The following ETS1 variants were observed in gnomAD, a reference collection of about 807,000 sequenced individuals.
ETS1 encodes the protein protein C-ets-1.
ETS1 carries 15 observed loss-of-function variants against 58.6 expected under a neutral mutation model. The ratio of observed to expected loss-of-function variants is 0.26; its 90% CI spans 0.17 to 0.39. ETS1 has a LOEUF of 0.39. ETS1 is among the 10% of genes least tolerant of loss of function. The probability of loss-of-function intolerance (pLI) is 1.00; values close to 1 mark genes in which losing one functional copy is unlikely to be tolerated. For missense variants in ETS1, 417 were observed against 610.5 expected, an observed-to-expected ratio of 0.68 and a Z score of 3.34; for synonymous variants, 214 against 218.2, an observed-to-expected ratio of 0.98 and a Z score of 0.17.
intron 4 of ETS1, among the ~76,000 whole-genome samples, chr11:128,489,772 G>GA (rs1202404347): frequency 5.3e-5 from 8 of 152,268 alleles, no homozygotes; most frequent in African/African-American, 1.9e-4. Context: ...AGATTTCCAT[G>GA]AATCTCCTCT....
rs1864194262 is a variant in ETS1 at position 128,549,445 on chromosome 11, G to C, written c.214+6846C>G. ...TTCCAGGAGAGGGGTCAAACTGCTT[G>C]AATCGCATAAGAACCCGGTGCCCCA... On this transcript the variant is annotated intron_variant, in intron 3 of 9. Transcript: ENST00000392668. This position sits in a 1 kb window ranked among gnomAD's most constrained non-coding sequence, Gnocchi z 4.3. Among the ~76,000 whole-genome samples the C allele has an allele frequency of 6.6e-6, 1 of 152,228 alleles. No homozygotes were observed. The highest frequency in any genetic ancestry group is 6.5e-5 in the Admixed American group (1 of 15,292).
Position 128,486,106 on chromosome 11 carries a change from G to T in ETS1, c.576C>A (p.Ala192=). ...CCGAGGTATAGCGGGATTCTGGATA[G>T]GCTGGGTTGACTCCATTAACTTGAT... ...KPYQVNGVNP[A]YPESRYTSDY... The change falls in exon 6 of 10, where the codon GCC becomes GCA. Residue 192 remains alanine, a synonymous_variant. Transcript: ENST00000392668. The T allele has an allele frequency of 6.2e-7, 1 of 1,612,038 alleles. No individual in the cohort carries two copies. Among genetic ancestry groups the T allele is most frequent in the Non-Finnish European group, 8.5e-7 (1 of 1,178,172 alleles).
intron 2 of ETS1, among the ~76,000 whole-genome samples, chr11:128,564,924 T>G (rs1864465545): frequency 6.6e-6 from 1 of 151,570 alleles, no homozygotes; most frequent in Non-Finnish European, 1.5e-5. Flanking sequence ...GGTTTTTTGT[T>G]TTTTTTTGTT....
rs1043741347 is a variant in ETS1 at position 128,490,563 on chromosome 11, T to G, written c.228A>C (p.Ala76=). 12 of 1,610,564 alleles carry G rather than the reference T, an allele frequency of 7.5e-6. No individual in the cohort carries two copies. The East Asian group carries it at 2.7e-4, about 36-fold the overall frequency. Residue 76 remains alanine, a synonymous_variant, in exon 4 of 10, where the codon GCA becomes GCC. Coordinates refer to ENST00000392668, the MANE Select transcript of ETS1 (RefSeq NM_001143820.2). ...TGCTTGGAGTTAATAGTGGGACATCTGCACATTCCATATCTGCATGAAAAA... is the reference window on the plus strand; with the variant it reads ...TGCTTGGAGTTAATAGTGGGACATCGGCACATTCCATATCTGCATGAAAAA... ...LEHCVSDMEC[A]DVPLLTPSSK...
At chr11:128,507,882 G>A (rs1863285656) in intron 3 of ETS1, among the ~76,000 whole-genome samples, 2 of 151,966 alleles carry the variant, frequency 1.3e-5, no homozygotes, top group African/African-American at 4.8e-5. Context: ...TGAATGGCTG[G>A]GTCACCTCCC....
intron 3 of ETS1, among the ~76,000 whole-genome samples, chr11:128,513,944 A>C (rs1353619191): frequency 6.6e-6 from 1 of 152,216 alleles, no homozygotes; most frequent in Non-Finnish European, 1.5e-5. Flanking sequence ...AACATGAATG[A>C]TACTAATGCA....
At chr11:128,557,102 AC>A (rs1172805289) in intron 2 of ETS1, among the ~76,000 whole-genome samples, 1 of 152,146 alleles carries the variant, frequency 6.6e-6, no homozygotes, top group Non-Finnish European at 1.5e-5. Context: ...TGTGTTTAAA[AC>A]CCTAGGCTTT....
chr11:128,529,482 C>T (rs573813439), intron 3 of ETS1, among the ~76,000 whole-genome samples: 8 of 152,278 alleles, frequency 5.3e-5, no homozygotes, highest in African/African-American at 1.9e-4. Context: ...GTATTGCTCT[C>T]TGCACTTTGT....
At chr11:128,515,384 T>C (rs1409680670) in intron 3 of ETS1, among the ~76,000 whole-genome samples, 2 of 152,124 alleles carry the variant, frequency 1.3e-5, no homozygotes, top group Non-Finnish European at 2.9e-5. Flanking sequence ...TTCAAATGCT[T>C]GAAGTGAACT....
rs5795622 is a variant in ETS1 at position 128,567,611 on chromosome 11, GTTTTGTTTTTGTTTTTGT to G, written c.69+5433_69+5450del. ...GAGTGGCAAGTTTTTTGTTTTTTGG[GTTTTGTTTTTGTTTTTGT>G]TTTTGTTTTTGTTTTTGTTTTGAGA... On this transcript the variant is annotated intron_variant, in intron 2 of 9. Coordinates refer to ENST00000392668, the MANE Select transcript of ETS1 (RefSeq NM_001143820.2). Among the ~76,000 whole-genome samples, 455 of 147,628 alleles carry G rather than the reference GTTTTGTTTTTGTTTTTGT, an allele frequency of 3.1e-3. 2 individuals carry two copies. Among genetic ancestry groups the G allele is most frequent in the Admixed American group, 6.6e-3 (97 of 14,768 alleles).
At chr11:128,516,474 T>C (rs1863527151) in intron 3 of ETS1, among the ~76,000 whole-genome samples, 1 of 152,210 alleles carries the variant, frequency 6.6e-6, no homozygotes, top group Admixed American at 6.5e-5. Flanking sequence ...ATGATGTTGT[T>C]CATATACAAA....
chr11:128,480,603 A>T, intron 7 of ETS1, 152 bp from the exon 8 acceptor site: 1 of 626,092 alleles, frequency 1.6e-6, no homozygotes, highest in Non-Finnish European at 2.8e-6. Context: ...CAGAAGCTTC[A>T]GGGGTCATGG....
intron 3 of ETS1, among the ~76,000 whole-genome samples, chr11:128,542,113 C>CA (rs1365961063): frequency 6.6e-6 from 1 of 152,220 alleles, no homozygotes; most frequent in East Asian, 1.9e-4. Flanking sequence ...CTGCTGATCA[C>CA]AGTACCCCCT....
At chr11:128,585,052 G>GA (rs1182699555) in intron 1 of ETS1, among the ~76,000 whole-genome samples, 1 of 19,994 alleles carries the variant, frequency 5.0e-5, no homozygotes, top group Admixed American at 5.3e-4. Context: ...AAGAAAGAAA[G>GA]AAAGAAAGAA....
chr11:128,552,948 G>A (rs560984264), intron 3 of ETS1, among the ~76,000 whole-genome samples: 16 of 152,346 alleles, frequency 1.1e-4, no homozygotes, highest in Admixed American at 2.6e-4. Context: ...AATGATTCTT[G>A]TTATGGTGGT....
chr11:128,467,251 G>A (rs1388086708), intron 8 of ETS1, among the ~76,000 whole-genome samples: 2 of 152,154 alleles, frequency 1.3e-5, no homozygotes, highest in Admixed American at 6.5e-5. Flanking sequence ...GGTCTGGGAG[G>A]GGACTTCAGG....
intron 1 of ETS1, among the ~76,000 whole-genome samples, chr11:128,576,545 T>A (rs1317153111): frequency 6.6e-6 from 1 of 152,064 alleles, no homozygotes; most frequent in African/African-American, 2.4e-5. Context: ...GGTGCAAAAA[T>A]GATTTGGACG....
At chr11:128,509,507 G>A (rs536252092) in intron 3 of ETS1, among the ~76,000 whole-genome samples, 10 of 147,566 alleles carry the variant, frequency 6.8e-5, no homozygotes, top group African/African-American at 2.0e-4. Context: ...CCTTTCATGT[G>A]TCTACTTTGG....
At chr11:128,538,945 G>C (rs1864014748) in intron 3 of ETS1, among the ~76,000 whole-genome samples, 1 of 152,158 alleles carries the variant, frequency 6.6e-6, no homozygotes, top group African/African-American at 2.4e-5. Flanking sequence ...CCACGACAGT[G>C]GACAGACAAT....
Sources: allele counts gnomAD v4.1 joint callset (sites outside exome capture counted in the v4.1 genomes callset), GRCh38; gene constraint gnomAD v4.1.1; non-coding constraint Gnocchi (gnomAD v3.1); transcripts MANE v1.5; gene names NCBI Gene and HGNC (gene_info 2026-07-23, HGNC 2026-07-21).